DCST1: variants seen among roughly 807,000 people sequenced by gnomAD.
DCST1 encodes E3 ubiquitin-protein ligase DCST1.
A neutral mutation model predicts 89.1 loss-of-function variants in DCST1; 78 were observed. The ratio of observed to expected loss-of-function variants is 0.88; its 90% confidence interval spans 0.73 to 1.06. The LOEUF (loss-of-function observed/expected upper bound fraction) is 1.06. DCST1 is among the 50% of genes least tolerant of loss of function. The pLI, the probability that DCST1 is intolerant of heterozygous loss-of-function variation, is 0.00. For missense variants in DCST1, 900 were observed against 928.6 expected (o/e 0.97, Z 0.40); for synonymous variants, 364 against 371.9 (o/e 0.98, Z 0.24).
intron 4 of DCST1, among the ~76,000 whole-genome samples, chr1:155,038,369 G>A (rs1354839816): frequency 6.6e-6 from 1 of 152,218 alleles, no homozygotes; most frequent in African/African-American, 2.4e-5. Context: ...TTTGAAGCAG[G>A]GAAGGGACAT....
rs192590149 is a variant in DCST1, at chr1:155,042,096, G to C, written c.892+239G>C. On this transcript the variant is annotated intron_variant, in intron 8 of 16. Coordinates refer to ENST00000295542, the MANE Select transcript of DCST1 (RefSeq NM_152494.4). ...CATGGGCAGAATAACAGTAGTTCTT[G>C]CATTAATTTTTTTTTTTGAGACGGG... Among the ~76,000 whole-genome samples, 4 of 152,220 alleles carry C rather than the reference G, an allele frequency of 2.6e-5. No homozygotes were observed. The East Asian group carries it at 7.7e-4, about 29-fold the overall frequency.
chr1:155,043,249 C>G (rs908529852), intron 9 of DCST1, 103 bp from the exon 10 acceptor site: 232 of 1,563,152 alleles, frequency 1.5e-4, no homozygotes, highest in Non-Finnish European at 1.9e-4. Flanking sequence ...GGGAGGGCCC[C>G]AGGGACACAA....
At chr1:155,039,884 G>A (rs1482597809) in intron 5 of DCST1, among the ~76,000 whole-genome samples, 2 of 150,366 alleles carry the variant, frequency 1.3e-5, no homozygotes, top group African/African-American at 2.4e-5. Context: ...CCAGCTATTC[G>A]GGAGGCTGAG....
Position 155,039,442 on chromosome 1 carries a change from G to A in DCST1, c.302G>A (p.Arg101His), listed in dbSNP as rs190933227. 54 of 1,598,118 alleles carry A rather than the reference G, an allele frequency of 3.4e-5. No individual in the cohort carries two copies. Among genetic ancestry groups the A allele is most frequent in the African/African-American group, 1.1e-4 (8 of 74,528 alleles). Residue 101 changes from arginine (R) to histidine (H), a missense_variant, in exon 5 of 17, where the codon CGC (arginine) becomes CAC (histidine). Coordinates refer to ENST00000295542, the MANE Select transcript of DCST1 (RefSeq NM_152494.4). Reference protein sequence around the residue: ...AMGWGTSPHIRCASLLLVPKM... With the variant: ...AMGWGTSPHIHCASLLLVPKM... Reference sequence around the variant, plus strand: ...GGCTGGGGGACCTCCCCTCACATCCGCTGTGCCAGCCTCCTACTAGTACCC... The same window carrying A: ...GGCTGGGGGACCTCCCCTCACATCCACTGTGCCAGCCTCCTACTAGTACCC...
rs374596671 is a variant in DCST1, at chr1:155,044,213, G to A, written c.1172+704G>A. The stretch of plus-strand genomic sequence containing the variant: ...TAAGCTCATGATCGCCAGGCATGGC[G>A]GCTCACTCCTGTAATCCCAACATTT... On this transcript the variant is annotated intron_variant, in intron 10 of 16. Transcript: ENST00000295542. Among the ~76,000 whole-genome samples, 8 of 152,318 alleles carry A rather than the reference G, an allele frequency of 5.3e-5. No individual in the cohort carries two copies. In the South Asian group the frequency reaches 6.2e-4, roughly 12 times the overall value.
rs139752661 is a variant in DCST1 at position 155,043,408 on chromosome 1, C to T, written c.1071C>T (p.Thr357=). Residue 357 remains threonine (T), a synonymous_variant, in exon 10 of 17, where the codon ACC becomes ACT. Coordinates refer to ENST00000295542, the MANE Select transcript of DCST1 (RefSeq NM_152494.4). Reference sequence around the variant, plus strand: ...ACACAAGCTGGGAGCGCGTGAGCACCGAGGTGCGGGACTACGTGTACCGCC... The same window carrying T: ...ACACAAGCTGGGAGCGCGTGAGCACTGAGGTGCGGGACTACGTGTACCGCC... ...GLNTSWERVS[T]EVRDYVYRQE... 3.7e-4 allele frequency: 601 copies of T among 1,613,908 alleles called. 2 individuals carry two copies. Among genetic ancestry groups the T allele is most frequent in the Non-Finnish European group, 4.4e-4 (525 of 1,179,930 alleles).
chr1:155,039,990 CAAAAAAAAAAAAAAAA>C (rs55764638), intron 5 of DCST1, among the ~76,000 whole-genome samples: 10 of 13,388 alleles, frequency 7.5e-4, no homozygotes, highest in Non-Finnish European at 1.2e-3. Flanking sequence ...GACTCCGTCT[CAAAAAAAAAAAAAAAA>C]AAAAAAAAAA....
intron 4 of DCST1, among the ~76,000 whole-genome samples, chr1:155,038,661 ACT>A (rs1200206051): frequency 6.6e-6 from 1 of 151,960 alleles, no homozygotes; most frequent in Non-Finnish European, 1.5e-5. Flanking sequence ...AACAACACTT[ACT>A]CACCTTCCAG....
intron 5 of DCST1, 92 bp downstream of exon 5, chr1:155,039,623 G>A (rs1660375528): frequency 4.2e-6 from 6 of 1,431,952 alleles, no homozygotes; most frequent in South Asian, 1.6e-5. Context: ...AGAAAAGACA[G>A]GAGTGTCATC....
At position 155,043,342 on chromosome 1, in the gene DCST1, C is replaced by T. The variant is rs1014654978; in HGVS notation, c.1015-10C>T. 6.2e-7 allele frequency: 1 copy of T among 1,613,862 alleles called. No individual in the cohort carries two copies. The highest frequency in any genetic ancestry group is 1.3e-5 in the African/African-American group (1 of 74,888). ...CCGCAGGCTGAGTTTGCTCATGTGC[C>T]CTCCACCAGGAAGAGAAGCAGGCTG... On this transcript the variant is annotated splice_polypyrimidine_tract_variant and intron_variant, in intron 9 of 16. Transcript: ENST00000295542.
chr1:155,047,836 T>C lies in DCST1; in HGVS notation c.1662T>C (p.Ala554=). ...TGGATGCCAGGGCCTACTGGAGAGCTGCAGTACCGATTGGCCTGTTAGTGT... is the reference window on the plus strand; with the variant it reads ...TGGATGCCAGGGCCTACTGGAGAGCCGCAGTACCGATTGGCCTGTTAGTGT... The part of the protein sequence containing the change: ...VGLDARAYWR[A]AVPIGLLVCL... Residue 554 remains alanine, a synonymous_variant, in exon 15 of 17, where the codon GCT becomes GCC. Coordinates refer to ENST00000295542, the MANE Select transcript of DCST1 (RefSeq NM_152494.4). The C allele has an allele frequency of 1.2e-6, 2 of 1,614,184 alleles. No individual in the cohort carries two copies. Among genetic ancestry groups the C allele is most frequent in the Non-Finnish European group, 8.5e-7 (1 of 1,180,046 alleles).
chr1:155,050,686 G>A lies in DCST1; in HGVS notation c.1939G>A (p.Val647Met). 1 of 1,604,336 alleles carries A rather than the reference G, an allele frequency of 6.2e-7. No homozygotes were observed. Residue 647 changes from valine to methionine, a missense_variant, in exon 17 of 17, where the codon GTG (valine) becomes ATG (methionine). Physicochemically the swap from Val to Met is conservative, Grantham distance 21 (BLOSUM62 1). Transcript: ENST00000295542. ...LLRRWLCRRC[V>M]VCQAPETPES... ...GCGCCGCTGGCTGTGCCGGCGCTGCGTGGTGTGCCAGGCACCCGAGACGCC... is the reference window on the plus strand; with the variant it reads ...GCGCCGCTGGCTGTGCCGGCGCTGCATGGTGTGCCAGGCACCCGAGACGCC...
chr1:155,044,480 C>CAA (rs57888793), intron 10 of DCST1, among the ~76,000 whole-genome samples: 27,247 of 61,914 alleles, frequency 0.44, 5,400 homozygotes, highest in East Asian at 0.83. Context: ...GAGCTTGTCT[C>CAA]AAAAAAAAAA....
Position 155,050,705 on chromosome 1 carries a change from A to C in DCST1, c.1958A>C (p.Glu653Ala). 9 of 1,607,412 alleles carry C rather than the reference A, an allele frequency of 5.6e-6. No individual in the cohort carries two copies. The Middle Eastern group carries it at 6.6e-4, about 118-fold the overall frequency. The change falls in exon 17 of 17, where the codon GAG becomes GCG. Residue 653 changes from glutamate to alanine, a missense_variant. By Grantham distance (107) the Glu-to-Ala change is moderately radical (BLOSUM62 -1). Transcript: ENST00000295542. Reference protein sequence around the residue: ...CRRCVVCQAPETPESYVCRTL... With the variant: ...CRRCVVCQAPATPESYVCRTL... ...CGCTGCGTGGTGTGCCAGGCACCCG[A>C]GACGCCCGAGTCCTACGTGTGCCGG...
At chr1:155,041,983 T>A (rs572507291) in intron 8 of DCST1, 126 bp downstream of exon 8, 1 of 1,310,048 alleles carries the variant, frequency 7.6e-7, no homozygotes, top group East Asian at 2.5e-5. Context: ...CACAGCATCC[T>A]TAGAGCCCTC....
At chr1:155,037,829 C>T (rs1003641768) in intron 4 of DCST1, among the ~76,000 whole-genome samples, 4 of 152,238 alleles carry the variant, frequency 2.6e-5, no homozygotes, top group African/African-American at 9.6e-5. Context: ...ACACCCATAG[C>T]TCCATGGGGC....
chr1:155,043,211 G>A lies in DCST1; in HGVS notation c.1015-141G>A. 5 of 1,208,774 alleles carry A rather than the reference G, an allele frequency of 4.1e-6. 1 individual carries two copies. In the South Asian group the frequency reaches 5.7e-5, roughly 14 times the overall value. 74.9% of individuals were successfully genotyped at this position (1,208,774 alleles called of 1,614,324 possible). Reference sequence around the variant, plus strand: ...ACTGTGTCCAGGAGGGTGGTGAGCAGAAGGAAGTGACAACTCCTAGAGGTC... The same window carrying A: ...ACTGTGTCCAGGAGGGTGGTGAGCAAAAGGAAGTGACAACTCCTAGAGGTC... On this transcript the variant is annotated intron_variant, in intron 9 of 16. Transcript: ENST00000295542.
At position 155,039,092 on chromosome 1, in the gene DCST1, TCA is replaced by T. The variant is rs1203120925; in HGVS notation, c.263-309_263-308del. On this transcript the variant is annotated intron_variant, in intron 4 of 16. Coordinates refer to ENST00000295542, the MANE Select transcript of DCST1 (RefSeq NM_152494.4). ...GCTCCCTCAGCACCTAGGGTCAGTG[TCA>T]CTGTAGCCCGGAAAACCTTGGCTTC... is the stretch of plus-strand genomic sequence containing the variant. Among the ~76,000 whole-genome samples the T allele has an allele frequency of 2.0e-5, 3 of 152,236 alleles. No individual in the cohort carries two copies. The East Asian group carries it at 5.8e-4, about 29-fold the overall frequency.
chr1:155,042,595 C>T, intron 8 of DCST1, 140 bp from the exon 9 acceptor site: 1 of 1,127,602 alleles, frequency 8.9e-7, no homozygotes, highest in African/African-American at 1.5e-5. Flanking sequence ...GAGGGGAAGA[C>T]TCAGCATTGG....
Sources: allele counts gnomAD v4.1 joint callset (sites outside exome capture counted in the v4.1 genomes callset), GRCh38; gene constraint gnomAD v4.1.1; transcripts MANE v1.5; gene names NCBI Gene and HGNC (gene_info 2026-07-23, HGNC 2026-07-21).